The following FZD1 variants were observed in gnomAD, a reference collection of about 807,000 sequenced individuals.
FZD1 encodes the protein frizzled-1.
In FZD1, 22 loss-of-function variants were observed where a neutral mutation model predicts 48.0. The ratio of observed to expected loss-of-function variants is 0.46; its 90% CI spans 0.33 to 0.65. The LOEUF is 0.65. Among genes scored for constraint, FZD1 ranks in the 30% least tolerant of loss-of-function variants. The pLI, the probability that FZD1 is intolerant of heterozygous loss-of-function variation, is 0.02. For synonymous variants in FZD1, 486 were observed against 409.6 expected (o/e 1.19, Z -2.25); for missense variants, 843 against 898.1 (o/e 0.94, Z 0.78).
Position 91,265,369 on chromosome 7 carries a change from T to C in FZD1, c.489T>C (p.Ala163=), listed in dbSNP as rs757146464. The change falls in exon 1 of 1, where the codon GCT becomes GCC. Residue 163 remains alanine (A), a synonymous_variant. Coordinates refer to ENST00000287934, the MANE Select transcript of FZD1 (RefSeq NM_003505.2). This position sits in a 1 kb window ranked among gnomAD's most constrained non-coding sequence, Gnocchi z 6.9. The part of the protein sequence containing the change: ...FYPLVKVQCS[A]ELKFFLCSMY... ...CTCTAGTGAAAGTGCAGTGTTCCGC[T>C]GAGCTCAAGTTCTTCCTGTGCTCCA... 1 of 1,614,064 alleles carries C rather than the reference T, an allele frequency of 6.2e-7. No homozygotes were observed. The highest frequency in any genetic ancestry group is 8.5e-7 in the Non-Finnish European group (1 of 1,179,952).
rs1158451057 is a variant in FZD1, at chr7:91,266,136, G to A, written c.1256G>A (p.Trp419Ter). ...LYFFSMASSI[W>*]WVILSLTWFL... The stretch of plus-strand genomic sequence containing the variant: ...TTCTTCAGCATGGCCAGCTCCATCT[G>A]GTGGGTGATCCTGTCGCTCACCTGG... The change falls in exon 1 of 1, where the codon TGG becomes TAG. Residue 419 changes from tryptophan to a stop codon, truncating the protein, a stop_gained. Coordinates refer to ENST00000287934, the MANE Select transcript of FZD1 (RefSeq NM_003505.2). LOFTEE classifies it high-confidence loss of function. This position sits in a 1 kb window ranked among gnomAD's most constrained non-coding sequence, Gnocchi z 6.8. 6.2e-7 allele frequency: 1 copy of A among 1,614,102 alleles called. No homozygotes were observed. Among genetic ancestry groups the A allele is most frequent in the Non-Finnish European group, 8.5e-7 (1 of 1,180,046 alleles).
chr7:91,266,608 C>G lies in FZD1; in HGVS notation c.1728C>G (p.Ser576Arg). 1 of 1,613,440 alleles carries G rather than the reference C, an allele frequency of 6.2e-7. No homozygotes were observed. The highest frequency in any genetic ancestry group is 8.5e-7 in the Non-Finnish European group (1 of 1,179,974). The change falls in exon 1 of 1, where the codon AGC (serine) becomes AGG (arginine). Residue 576 changes from serine to arginine, a missense_variant. By Grantham distance (110) the Ser-to-Arg change is moderately radical. Coordinates refer to ENST00000287934, the MANE Select transcript of FZD1 (RefSeq NM_003505.2). This position sits in a 1 kb window ranked among gnomAD's most constrained non-coding sequence, Gnocchi z 6.8. ...ERSWVAQSCKSYAIPCPHLQA... is the reference protein window; with the variant it reads ...ERSWVAQSCKRYAIPCPHLQA... ...GCTGGGTGGCCCAGAGCTGCAAGAG[C>G]TACGCTATCCCCTGCCCTCACCTCC...
Position 91,267,899 on chromosome 7 carries a change from A to G in FZD1, c.*1075A>G, listed in dbSNP as rs1242256055. 1.2e-5 allele frequency: 2 copies of G among 167,030 alleles called. No individual in the cohort carries two copies. Among genetic ancestry groups the G allele is most frequent in the African/African-American group, 2.4e-5 (1 of 41,434 alleles). The allele number at this position is 167,030 out of a possible 1,614,324, so 10.3% of individuals were successfully genotyped here. The stretch of plus-strand genomic sequence containing the variant: ...CTGAAGATATGGGTTATAAAATGTT[A>G]ATTCTAATTGCATACGGATGCCTGG... On this transcript the variant is annotated 3_prime_UTR_variant, in exon 1 of 1. Coordinates refer to ENST00000287934, the MANE Select transcript of FZD1 (RefSeq NM_003505.2).
In FZD1 at chr7:91,266,893, A is replaced by T. The variant is rs1803893038; in HGVS notation, c.*69A>T. 9 of 1,017,410 alleles carry T rather than the reference A, an allele frequency of 8.8e-6. No individual in the cohort carries two copies. The highest frequency in any genetic ancestry group is 1.3e-5 in the Non-Finnish European group (9 of 678,766). 63.0% of individuals were successfully genotyped at this position (1,017,410 alleles called of 1,614,324 possible). On this transcript the variant is annotated 3_prime_UTR_variant, in exon 1 of 1. Transcript: ENST00000287934. This position sits in a 1 kb window ranked among gnomAD's most constrained non-coding sequence, Gnocchi z 6.8. ...CGATCCCCCAAAGCCAGCGCCGTGGAGTTCGTGCCAATCCTGACATCTCGA... is the reference window on the plus strand; with the variant it reads ...CGATCCCCCAAAGCCAGCGCCGTGGTGTTCGTGCCAATCCTGACATCTCGA...
chr7:91,266,051 C>A lies in FZD1; in HGVS notation c.1171C>A (p.Arg391Ser). 1 of 1,614,186 alleles carries A rather than the reference C, an allele frequency of 6.2e-7. No individual in the cohort carries two copies. Among genetic ancestry groups the A allele is most frequent in the South Asian group, 1.1e-5 (1 of 91,084 alleles). Residue 391 changes from arginine to serine, a missense_variant, in exon 1 of 1, where the codon CGC becomes AGC. Transcript: ENST00000287934. The surrounding 1 kb of genome is among the most constrained non-coding windows in gnomAD (Gnocchi z 6.8). ...TGACAAGTTCGCCGAGGACGGGGCA[C>A]GCACTGTGGCGCAGGGCACCAAGAA... ...CNDKFAEDGA[R>S]TVAQGTKKEG...
Position 91,265,579 on chromosome 7 carries a change from C to T in FZD1, c.699C>T (p.Ser233=). The T allele has an allele frequency of 6.2e-7, 1 of 1,609,754 alleles. No individual in the cohort carries two copies. The highest frequency in any genetic ancestry group is 8.5e-7 in the Non-Finnish European group (1 of 1,179,444). ...AGCTGTGCGTGGGCCAGAACACGTC[C>T]GACAAGGGCACCCCGACGCCCTCGC... ...AGELCVGQNT[S]DKGTPTPSLL... Residue 233 remains serine (S), a synonymous_variant, in exon 1 of 1, where the codon TCC becomes TCT. Coordinates refer to ENST00000287934, the MANE Select transcript of FZD1 (RefSeq NM_003505.2). The surrounding 1 kb of genome is among the most constrained non-coding windows in gnomAD (Gnocchi z 6.9).
In FZD1 at chr7:91,264,847, A is replaced by G. The variant is rs768617963; in HGVS notation, c.-34A>G. ...CGCCGGCCGTGCCCCTGGCAGCCCCAGCGGAGCGGCGCCAAGAGAGGAGCC... is the reference window on the plus strand; with the variant it reads ...CGCCGGCCGTGCCCCTGGCAGCCCCGGCGGAGCGGCGCCAAGAGAGGAGCC... On this transcript the variant is annotated 5_prime_UTR_variant, in exon 1 of 1. Transcript: ENST00000287934. The G allele has an allele frequency of 2.4e-6, 3 of 1,266,356 alleles. No homozygotes were observed. Among genetic ancestry groups the G allele is most frequent in the Non-Finnish European group, 3.0e-6 (3 of 1,007,224 alleles). The allele number at this position is 1,266,356 out of a possible 1,614,324, so 78.4% of individuals were successfully genotyped here. A position where few individuals can be genotyped will look rare whatever the true frequency, so the allele number is the denominator to read the frequency against.
rs377357163 is a variant in FZD1 at position 91,266,966 on chromosome 7, C to T, written c.*142C>T. 3.2e-6 allele frequency: 2 copies of T among 617,408 alleles called. No homozygotes were observed. The highest frequency in any genetic ancestry group is 2.8e-5 in the East Asian group (1 of 36,116). 38.2% of individuals were successfully genotyped at this position (617,408 alleles called of 1,614,324 possible). ...CTTTCGCAGGCTCCTTTGAACAACT[C>T]AGCTCCTGCAAAAGCTTCCGTCCCT... On this transcript the variant is annotated 3_prime_UTR_variant, in exon 1 of 1. Coordinates refer to ENST00000287934, the MANE Select transcript of FZD1 (RefSeq NM_003505.2). The surrounding 1 kb of genome is among the most constrained non-coding windows in gnomAD (Gnocchi z 6.8).
rs1171236407 is a variant in FZD1, at chr7:91,271,278, A to G, written c.*4454A>G. The G allele has an allele frequency of 6.0e-6, 1 of 167,060 alleles. No individual in the cohort carries two copies. The highest frequency in any genetic ancestry group is 1.5e-5 in the Non-Finnish European group (1 of 68,096). 10.3% of individuals were successfully genotyped at this position (167,060 alleles called of 1,614,324 possible). Reference sequence around the variant, plus strand: ...GTTAAACTTTAACAATTATAGTGACAAAACAGCTTGCTTAGAACCTGGAAA... The same window carrying G: ...GTTAAACTTTAACAATTATAGTGACGAAACAGCTTGCTTAGAACCTGGAAA... On this transcript the variant is annotated 3_prime_UTR_variant, in exon 1 of 1. Transcript: ENST00000287934.
At position 91,266,504 on chromosome 7, in the gene FZD1, G is replaced by T. The variant is rs759599050; in HGVS notation, c.1624G>T (p.Val542Leu). Residue 542 changes from valine (V) to leucine (L), a missense_variant, in exon 1 of 1, where the codon GTG becomes TTG. Around this residue, in one of 2 missense-constraint regions of FZD1, gnomAD observed 353 missense variants for 431.6 expected, o/e 0.82. Transcript: ENST00000287934. This position sits in a 1 kb window ranked among gnomAD's most constrained non-coding sequence, Gnocchi z 6.8. ...CATGGTGCGCATTGGCGTCTTCAGC[G>T]TGCTGTACACTGTGCCAGCCACCAT... ...KLMVRIGVFS[V>L]LYTVPATIVI... 3 of 1,614,034 alleles carry T rather than the reference G, an allele frequency of 1.9e-6. No individual in the cohort carries two copies. The highest frequency in any genetic ancestry group is 3.3e-4 in the Middle Eastern group (2 of 6,062).
Position 91,265,258 on chromosome 7 carries a change from C to T in FZD1, c.378C>T (p.Asp126=). 6.2e-7 allele frequency: 1 copy of T among 1,614,116 alleles called. No homozygotes were observed. The highest frequency in any genetic ancestry group is 1.1e-5 in the South Asian group (1 of 91,084). The change falls in exon 1 of 1, where the codon GAC becomes GAT. Residue 126 remains aspartate, a synonymous_variant. Coordinates refer to ENST00000287934, the MANE Select transcript of FZD1 (RefSeq NM_003505.2). This position sits in a 1 kb window ranked among gnomAD's most constrained non-coding sequence, Gnocchi z 6.9. ...CQPISIPLCT[D]IAYNQTIMPN... is the part of the protein sequence containing the mutation. The stretch of plus-strand genomic sequence containing the variant: ...CCATCTCCATCCCGCTGTGCACGGA[C>T]ATCGCGTACAACCAGACCATCATGC...
In FZD1 at chr7:91,265,102, G is replaced by A; in HGVS notation, c.222G>A (p.Ala74=). The A allele has an allele frequency of 1.4e-6, 2 of 1,391,260 alleles. No individual in the cohort carries two copies. Among genetic ancestry groups the A allele is most frequent in the East Asian group, 2.9e-5 (1 of 34,444 alleles). The allele number at this position is 1,391,260 out of a possible 1,614,324, so 86.2% of individuals were successfully genotyped here. The change falls in exon 1 of 1, where the codon GCG becomes GCA. Residue 74 remains alanine (A), a synonymous_variant. Coordinates refer to ENST00000287934, the MANE Select transcript of FZD1 (RefSeq NM_003505.2). This position sits in a 1 kb window ranked among gnomAD's most constrained non-coding sequence, Gnocchi z 6.9. ...TGCTGCTGGGGGTCCGGGCCCAGGC[G>A]GCGGGCCAGGGGCCAGGCCAGGGGC... is the stretch of plus-strand genomic sequence containing the variant. ...APLLLGVRAQ[A]AGQGPGQGPG...
rs753260530 is a variant in FZD1 at position 91,265,126 on chromosome 7, G to A, written c.246G>A (p.Gly82=). 6.5e-7 allele frequency: 1 copy of A among 1,531,110 alleles called. No homozygotes were observed. Among genetic ancestry groups the A allele is most frequent in the Non-Finnish European group, 8.8e-7 (1 of 1,136,244 alleles). 94.8% of individuals were successfully genotyped at this position (1,531,110 alleles called of 1,614,324 possible). ...CGGCGGGCCAGGGGCCAGGCCAGGG[G>A]CCCGGGCCGGGGCAGCAACCGCCGC... ...AQAAGQGPGQ[G]PGPGQQPPPP... Residue 82 remains glycine (G), a synonymous_variant, in exon 1 of 1, where the codon GGG becomes GGA. Transcript: ENST00000287934. The surrounding 1 kb of genome is among the most constrained non-coding windows in gnomAD (Gnocchi z 6.9).
chr7:91,265,668 C>A lies in FZD1; in HGVS notation c.788C>A (p.Pro263Gln). 2 of 1,565,428 alleles carry A rather than the reference C, an allele frequency of 1.3e-6. No homozygotes were observed. Among genetic ancestry groups the A allele is most frequent in the East Asian group, 2.3e-5 (1 of 43,084 alleles). ...GGCGGAGGGCACCGTGGCGGCTTCC[C>A]GGGGGGCGCCGGCGCGTCGGAGCGA... ...HGGGGHRGGF[P>Q]GGAGASERGK... is the part of the protein sequence containing the mutation. Residue 263 changes from proline (P) to glutamine (Q), a missense_variant, in exon 1 of 1, where the codon CCG becomes CAG. Coordinates refer to ENST00000287934, the MANE Select transcript of FZD1 (RefSeq NM_003505.2). This position sits in a 1 kb window ranked among gnomAD's most constrained non-coding sequence, Gnocchi z 6.9.
At position 91,265,318 on chromosome 7, in the gene FZD1, G is replaced by T. The variant is rs762347513; in HGVS notation, c.438G>T (p.Ala146=). The T allele has an allele frequency of 6.2e-7, 1 of 1,614,024 alleles. No homozygotes were observed. Among genetic ancestry groups the T allele is most frequent in the Non-Finnish European group, 8.5e-7 (1 of 1,179,996 alleles). Reference sequence around the variant, plus strand: ...TGGGCCACACGAACCAGGAGGACGCGGGCCTGGAGGTGCACCAGTTCTACC... The same window carrying T: ...TGGGCCACACGAACCAGGAGGACGCTGGCCTGGAGGTGCACCAGTTCTACC... ...NLLGHTNQED[A]GLEVHQFYPL... Residue 146 remains alanine (A), a synonymous_variant, in exon 1 of 1, where the codon GCG becomes GCT. Transcript: ENST00000287934. This position sits in a 1 kb window ranked among gnomAD's most constrained non-coding sequence, Gnocchi z 6.9.
Position 91,265,424 on chromosome 7 carries a change from C to T in FZD1, c.544C>T (p.Gln182Ter). 1.2e-6 allele frequency: 2 copies of T among 1,613,612 alleles called. No individual in the cohort carries two copies. Among genetic ancestry groups the T allele is most frequent in the Non-Finnish European group, 1.7e-6 (2 of 1,179,902 alleles). The change falls in exon 1 of 1, where the codon CAG becomes TAG. Residue 182 changes from glutamine (Q) to a stop codon, truncating the protein, a stop_gained. Transcript: ENST00000287934. LOFTEE classifies it high-confidence loss of function. This position sits in a 1 kb window ranked among gnomAD's most constrained non-coding sequence, Gnocchi z 6.9. ...CGCGCCCGTGTGCACCGTGCTAGAG[C>T]AGGCGCTGCCGCCCTGCCGCTCCCT... ...MYAPVCTVLE[Q>*]ALPPCRSLCE... is the part of the protein sequence containing the mutation.
At position 91,265,008 on chromosome 7, in the gene FZD1, G is replaced by T; in HGVS notation, c.128G>T (p.Arg43Leu). 1.4e-6 allele frequency: 2 copies of T among 1,396,346 alleles called. No individual in the cohort carries two copies. Among genetic ancestry groups the T allele is most frequent in the Non-Finnish European group, 9.3e-7 (1 of 1,075,424 alleles). The allele number at this position is 1,396,346 out of a possible 1,614,324, so 86.5% of individuals were successfully genotyped here. ...EGSGDAGGRR[R>L]PPVDPRRLAR... ...AGCGGGGACGCCGGTGGCCGCCGCC[G>T]CCCGCCAGTTGACCCCCGGCGATTG... Residue 43 changes from arginine to leucine, a missense_variant, in exon 1 of 1, where the codon CGC becomes CTC. Arg to Leu is a moderately radical substitution (Grantham distance 102). This residue lies in a region of FZD1 where 490 missense variants were observed against 466.5 expected (regional missense o/e 1.05). Transcript: ENST00000287934. The surrounding 1 kb of genome is among the most constrained non-coding windows in gnomAD (Gnocchi z 6.9).
chr7:91,265,747 C>G lies in FZD1; in HGVS notation c.867C>G (p.His289Gln), dbSNP rs1563007955. ...AGGTGCCCTCCTACCTCAACTACCACTTCCTGGGGGAGAAGGACTGCGGCG... is the reference window on the plus strand; with the variant it reads ...AGGTGCCCTCCTACCTCAACTACCAGTTCCTGGGGGAGAAGGACTGCGGCG... ...ALKVPSYLNY[H>Q]FLGEKDCGAP... The change falls in exon 1 of 1, where the codon CAC becomes CAG. Residue 289 changes from histidine (H) to glutamine (Q), a missense_variant. By Grantham distance (24) the His-to-Gln change is conservative. Coordinates refer to ENST00000287934, the MANE Select transcript of FZD1 (RefSeq NM_003505.2). This position sits in a 1 kb window ranked among gnomAD's most constrained non-coding sequence, Gnocchi z 6.9. 4 of 1,612,196 alleles carry G rather than the reference C, an allele frequency of 2.5e-6. No individual in the cohort carries two copies. Among genetic ancestry groups the G allele is most frequent in the Non-Finnish European group, 3.4e-6 (4 of 1,178,748 alleles).
rs1010853005 is a variant in FZD1, at chr7:91,268,118, A to G, written c.*1294A>G. 6 of 167,122 alleles carry G rather than the reference A, an allele frequency of 3.6e-5. No homozygotes were observed. Among genetic ancestry groups the G allele is most frequent in the African/African-American group, 1.4e-4 (6 of 41,578 alleles). 10.4% of individuals were successfully genotyped at this position (167,122 alleles called of 1,614,324 possible). A position where few individuals can be genotyped will look rare whatever the true frequency, so the allele number is the denominator to read the frequency against. ...ATGGACTTCCTCAAAATGAAGTGCT[A>G]TTTTCTTATTTTTAATCAAATAACT... On this transcript the variant is annotated 3_prime_UTR_variant, in exon 1 of 1. Transcript: ENST00000287934.
Sources: allele counts gnomAD v4.1 joint callset, GRCh38; gene constraint gnomAD v4.1.1; regional missense constraint gnomAD v4.1.1; non-coding constraint Gnocchi (gnomAD v3.1); transcripts MANE v1.5; gene names NCBI Gene and HGNC (gene_info 2026-07-23, HGNC 2026-07-21).